The following STX6 variants were observed in gnomAD, a reference collection of about 807,000 sequenced individuals.
STX6 encodes the protein syntaxin 6, also known as syntaxin-6.
A neutral mutation model predicts 38.0 loss-of-function variants in STX6; 23 were observed. The observed-to-expected ratio is 0.60, with a 90% confidence interval of 0.43 to 0.86. STX6 has a LOEUF of 0.86. Ranked by LOEUF, STX6 falls within the 40% of genes least tolerant of loss-of-function variation. STX6 has a pLI of 0.00. For synonymous variants in STX6, 123 were observed against 107.5 expected, an observed-to-expected ratio of 1.14 and a Z score of -0.89; for missense variants, 274 against 312.9, an observed-to-expected ratio of 0.88 and a Z score of 0.94.
chr1:181,002,696 T>A lies in STX6; in HGVS notation c.210A>T (p.Ile70=). 1.2e-6 allele frequency: 2 copies of A among 1,610,506 alleles called. No individual in the cohort carries two copies. Among genetic ancestry groups the A allele is most frequent in the African/African-American group, 2.7e-5 (2 of 74,950 alleles). ...DLEDLDETIS[I]VEANPRKFNL... ...TAAATTTTCTAGGATTTGCTTCAAC[T>A]ATGCGTAGGTCAAAAAGTCAAGGTA... The change falls in exon 3 of 8, where the codon ATA becomes ATT. Residue 70 remains isoleucine, a synonymous_variant. Transcript: ENST00000258301.
chr1:181,006,946 T>C (rs1656239395), intron 1 of STX6, among the ~76,000 whole-genome samples: 1 of 152,212 alleles, frequency 6.6e-6, no homozygotes, highest in Admixed American at 6.5e-5. Context: ...CACCTCATTG[T>C]TCCTTTCATG....
At chr1:180,984,316 C>T (rs965997268) in intron 7 of STX6, among the ~76,000 whole-genome samples, 3 of 151,896 alleles carry the variant, frequency 2.0e-5, no homozygotes, top group African/African-American at 7.3e-5. Flanking sequence ...GAAGCTGACA[C>T]GGGCGGATCA....
Position 180,972,882 on chromosome 1 carries a change from A to G in STX6, c.*3688T>C. 1 of 276,778 alleles carries G rather than the reference A, an allele frequency of 3.6e-6. No individual in the cohort carries two copies. 17.1% of individuals were successfully genotyped at this position (276,778 alleles called of 1,614,324 possible). On this transcript the variant is annotated 3_prime_UTR_variant, in exon 8 of 8. Transcript: ENST00000258301. ...TTGGTTTTATTTTTTAATCAAAAAA[A>G]AAAAAAGGAGAGAAAGAAAAGAAAG...
intron 1 of STX6, among the ~76,000 whole-genome samples, chr1:181,017,036 C>T (rs937368136): frequency 2.0e-5 from 3 of 150,830 alleles, no homozygotes; most frequent in African/African-American, 4.9e-5. Flanking sequence ...CGCGCCACTG[C>T]ACTCCAGCCT....
intron 6 of STX6, 53 bp downstream of exon 6, chr1:180,988,186 G>A (rs1655643544): frequency 4.4e-6 from 6 of 1,356,484 alleles, no homozygotes; most frequent in Non-Finnish European, 6.3e-6. Flanking sequence ...GGTGTCATAG[G>A]ATGGCTCTGC....
At position 180,984,417 on chromosome 1, in the gene STX6, G is replaced by A. The variant is rs1389336298; in HGVS notation, c.691+260C>T. On this transcript the variant is annotated intron_variant, in intron 7 of 7. Coordinates refer to ENST00000258301, the MANE Select transcript of STX6 (RefSeq NM_005819.6). ...AAAAATTAGCTGGGTGTGGTGGCAC[G>A]CACCTGTAATCCCAGCTACTCAGGA... is the stretch of plus-strand genomic sequence containing the variant. 3.9e-5 allele frequency among the ~76,000 whole-genome samples: 6 copies of A among 152,144 alleles called. No individual in the cohort carries two copies. The East Asian group carries it at 7.7e-4, about 20-fold the overall frequency.
chr1:180,989,056 GCTC>G (rs753042398), intron 5 of STX6: 1 of 152,160 alleles, frequency 6.6e-6, no homozygotes, highest in Non-Finnish European at 1.5e-5. Context: ...ATGGGTACAT[GCTC>G]CTCAAATCCC....
At position 181,005,550 on chromosome 1, in the gene STX6, C is replaced by T; in HGVS notation, c.36-87G>A. 2.3e-6 allele frequency: 3 copies of T among 1,306,564 alleles called. No individual in the cohort carries two copies. The South Asian group carries it at 4.5e-5, about 20-fold the overall frequency. The allele number at this position is 1,306,564 out of a possible 1,614,324, so 80.9% of individuals were successfully genotyped here. A position where few individuals can be genotyped will look rare whatever the true frequency, so the allele number is the denominator to read the frequency against. ...CATGATTTAGGTTAACATTTATGAT[C>T]ATACACCATCCTCAGCAACCACCAT... On this transcript the variant is annotated intron_variant, in intron 1 of 7. Coordinates refer to ENST00000258301, the MANE Select transcript of STX6 (RefSeq NM_005819.6).
chr1:181,014,393 C>CAA (rs11334153), intron 1 of STX6, among the ~76,000 whole-genome samples: 1 of 138,758 alleles, frequency 7.2e-6, no homozygotes, highest in Non-Finnish European at 1.6e-5. Flanking sequence ...GACTCCATCT[C>CAA]AAAAAAAAAA....
intron 6 of STX6, among the ~76,000 whole-genome samples, 198 bp from the exon 7 acceptor site, chr1:180,984,969 T>TA (rs1655528602): frequency 6.6e-6 from 1 of 152,168 alleles, no homozygotes; most frequent in African/African-American, 2.4e-5. Flanking sequence ...AAAAAAAGCC[T>TA]AAATTACATA....
Position 180,972,838 on chromosome 1 carries a change from G to T in STX6, c.*3732C>A. 2 of 210,930 alleles carry T rather than the reference G, an allele frequency of 9.5e-6. No homozygotes were observed. The highest frequency in any genetic ancestry group is 5.6e-5 in the Admixed American group (1 of 17,992). 13.1% of individuals were successfully genotyped at this position (210,930 alleles called of 1,614,324 possible). On this transcript the variant is annotated 3_prime_UTR_variant, in exon 8 of 8. Transcript: ENST00000258301. ...TGATCGGAGCTACTGAAAGGTACCT[G>T]CTTTCAGCAAATTCTGGTTTGGTTT...
chr1:180,976,917 C>T (rs769676944), intron 7 of STX6, among the ~76,000 whole-genome samples: 10 of 152,138 alleles, frequency 6.6e-5, no homozygotes, highest in East Asian at 1.9e-4. Flanking sequence ...TTAAAATCTG[C>T]GGATCTTAGC....
Position 180,974,660 on chromosome 1 carries a change from C to T in STX6, c.*1910G>A, listed in dbSNP as rs562575336. The T allele has an allele frequency of 5.8e-4, 88 of 152,728 alleles. 1 individual carries two copies. Among genetic ancestry groups the T allele is most frequent in the African/African-American group, 1.8e-3 (75 of 41,568 alleles). The allele number at this position is 152,728 out of a possible 1,614,324, so 9.5% of individuals were successfully genotyped here. ...GATTACAGTACTTAGACAAGGTTCACATTTACTTTAAAAGACTTCTATATT... is the reference window on the plus strand; with the variant it reads ...GATTACAGTACTTAGACAAGGTTCATATTTACTTTAAAAGACTTCTATATT... On this transcript the variant is annotated 3_prime_UTR_variant, in exon 8 of 8. Transcript: ENST00000258301.
At chr1:180,983,811 T>A (rs148155855) in intron 7 of STX6, among the ~76,000 whole-genome samples, 1,860 of 152,168 alleles carry the variant, frequency 0.012, 40 homozygotes, top group African/African-American at 0.042. Context: ...ACGCCTGTAA[T>A]CCCAGCACTT....
chr1:180,992,285 A>G (rs180857931), intron 4 of STX6, among the ~76,000 whole-genome samples: 199 of 152,358 alleles, frequency 1.3e-3, no homozygotes, highest in African/African-American at 4.7e-3. Flanking sequence ...GAAAAATGGA[A>G]TGCAAGAAAA....
At chr1:181,022,531 C>A in intron 1 of STX6, 108 bp downstream of exon 1, 3 of 1,165,606 alleles carry the variant, frequency 2.6e-6, no homozygotes, top group Admixed American at 2.0e-5. Context: ...TGTTCCCCCT[C>A]CCCAGCTCCA....
intron 2 of STX6, among the ~76,000 whole-genome samples, chr1:181,004,486 A>G (rs1656168981): frequency 6.6e-6 from 1 of 152,210 alleles, no homozygotes; most frequent in Non-Finnish European, 1.5e-5. Flanking sequence ...GATGTGATCA[A>G]TCATGCCTGC....
chr1:180,982,903 G>C (rs776123951), intron 7 of STX6, among the ~76,000 whole-genome samples: 3 of 152,170 alleles, frequency 2.0e-5, no homozygotes, highest in Non-Finnish European at 2.9e-5. Flanking sequence ...GCAATGAAGA[G>C]CCCGCTAGAA....
At chr1:181,009,514 C>T (rs1656333442) in intron 1 of STX6, among the ~76,000 whole-genome samples, 1 of 149,872 alleles carries the variant, frequency 6.7e-6, no homozygotes, top group Non-Finnish European at 1.5e-5. Context: ...AGTCACTTCA[C>T]CAAAGACATA....
Sources: gnomAD v4.1 joint callset for allele counts (sites outside exome capture counted in the v4.1 genomes callset) on GRCh38, gnomAD v4.1.1 for gene constraint, MANE v1.5 for transcripts, NCBI Gene and HGNC (gene_info 2026-07-23, HGNC 2026-07-21) for gene names.